COL21A1: variants seen among roughly 807,000 people sequenced by gnomAD.
COL21A1 encodes the protein collagen alpha-1(XXI) chain.
In COL21A1, 149 loss-of-function variants were observed where a neutral mutation model predicts 137.9. The ratio of observed to expected loss-of-function variants is 1.08; its 90% confidence interval spans 0.95 to 1.24. COL21A1 has a LOEUF of 1.24. Ranked by LOEUF, COL21A1 falls within the 50% of genes most tolerant of loss-of-function variation. The probability of loss-of-function intolerance (pLI) is 0.00; values close to 1 mark genes in which losing one functional copy is unlikely to be tolerated. For missense variants in COL21A1, 1,167 were observed against 1,158.4 expected, an observed-to-expected ratio of 1.01 and a Z score of -0.11; for synonymous variants, 456 against 391.5, an observed-to-expected ratio of 1.16 and a Z score of -1.95.
Position 56,056,714 on chromosome 6 carries a change from C to G in COL21A1, c.*943G>C, listed in dbSNP as rs926858032. On this transcript the variant is annotated 3_prime_UTR_variant, in exon 30 of 30. Transcript: ENST00000244728. ...AAGCATTAAGCACAATACACAAAGACTGTTCATAATATTTTACAGTCAGCT... is the reference window on the plus strand; with the variant it reads ...AAGCATTAAGCACAATACACAAAGAGTGTTCATAATATTTTACAGTCAGCT... The G allele has an allele frequency of 1.3e-5, 2 of 152,172 alleles. No individual in the cohort carries two copies. Among genetic ancestry groups the G allele is most frequent in the African/African-American group, 4.8e-5 (2 of 41,446 alleles). The allele number at this position is 152,172 out of a possible 1,614,324, so 9.4% of individuals were successfully genotyped here. A position where few individuals can be genotyped will look rare whatever the true frequency, so the allele number is the denominator to read the frequency against.
intron 1 of COL21A1, among the ~76,000 whole-genome samples, chr6:56,194,828 T>C (rs1028866411): frequency 1.5e-5 from 1 of 65,996 alleles, no homozygotes; most frequent in Non-Finnish European, 2.8e-5. Context: ...AGTTTGAATG[T>C]TTGTCCCCTC....
At chr6:56,316,916 A>G (rs4278021) in intron 1 of COL21A1, among the ~76,000 whole-genome samples, 44,777 of 152,048 alleles carry the variant, frequency 0.29, 6,953 homozygotes, top group Non-Finnish European at 0.35. Flanking sequence ...CAGTCTAGTC[A>G]CTGGGGCATA....
intron 1 of COL21A1, among the ~76,000 whole-genome samples, chr6:56,246,093 A>C (rs557856531): frequency 7.1e-6 from 1 of 141,674 alleles, no homozygotes; most frequent in South Asian, 2.6e-4. Context: ...GAAATCTCAG[A>C]TATCTATAAA....
At position 56,179,987 on chromosome 6, in the gene COL21A1, T is replaced by C; in HGVS notation, c.231A>G (p.Gly77=). The change falls in exon 3 of 30, where the codon GGA becomes GGG. Residue 77 remains glycine (G), a synonymous_variant. Coordinates refer to ENST00000244728, the MANE Select transcript of COL21A1 (RefSeq NM_030820.4). The part of the protein sequence containing the change: ...FDIGPKFIQV[G]VVQYSDYPVL... ...CAGGGTAGTCACTATATTGAACCAC[T>C]CCAACTTGAATAAACTTCGGCCCTA... 1.2e-6 allele frequency: 2 copies of C among 1,613,894 alleles called. No individual in the cohort carries two copies. Among genetic ancestry groups the C allele is most frequent in the Non-Finnish European group, 1.7e-6 (2 of 1,179,858 alleles).
In COL21A1 at chr6:56,168,213, C is replaced by T; in HGVS notation, c.1111G>A (p.Glu371Lys). 1 of 1,568,986 alleles carries T rather than the reference C, an allele frequency of 6.4e-7. No homozygotes were observed. ...AAAACTGGATGTAAGGGCTTGTTTTCAATTTGTTGGTCATCAATATACAAA... is the reference window on the plus strand; with the variant it reads ...AAAACTGGATGTAAGGGCTTGTTTTTAATTTGTTGGTCATCAATATACAAA... ...VTLYIDDQQIENKPLHPVLGI... is the reference protein window; with the variant it reads ...VTLYIDDQQIKNKPLHPVLGI... Residue 371 changes from glutamate to lysine, a missense_variant, in exon 6 of 30, where the codon GAA becomes AAA. Transcript: ENST00000244728.
intron 1 of COL21A1, among the ~76,000 whole-genome samples, chr6:56,233,904 AG>A (rs954210349): frequency 6.6e-6 from 1 of 151,986 alleles, no homozygotes; most frequent in Admixed American, 6.6e-5. Context: ...AAAAACAATG[AG>A]GGGGTAATTG....
intron 1 of COL21A1, among the ~76,000 whole-genome samples, chr6:56,359,531 C>T (rs1315005937): frequency 6.6e-6 from 1 of 152,084 alleles, no homozygotes; most frequent in African/African-American, 2.4e-5. Flanking sequence ...TCCTGTAATT[C>T]GTTATTACAT....
chr6:56,322,297 A>G (rs1251758298), intron 1 of COL21A1, among the ~76,000 whole-genome samples: 1 of 152,184 alleles, frequency 6.6e-6, no homozygotes, highest in Non-Finnish European at 1.5e-5. Flanking sequence ...TCTCACAACC[A>G]GCTCTTCAAA....
At chr6:56,330,846 G>A (rs1765204184) in intron 1 of COL21A1, among the ~76,000 whole-genome samples, 1 of 152,082 alleles carries the variant, frequency 6.6e-6, no homozygotes, top group African/African-American at 2.4e-5. Flanking sequence ...TCAAAGAGTA[G>A]TTATATTTTT....
At chr6:56,239,739 A>G (rs1412894209) in intron 1 of COL21A1, among the ~76,000 whole-genome samples, 2 of 152,130 alleles carry the variant, frequency 1.3e-5, no homozygotes, top group East Asian at 1.9e-4. Context: ...TGAACATTCA[A>G]GTATGTTGCT....
chr6:56,189,942 T>C (rs1052310087), intron 1 of COL21A1, among the ~76,000 whole-genome samples: 12 of 152,146 alleles, frequency 7.9e-5, no homozygotes, highest in Non-Finnish European at 1.3e-4. Flanking sequence ...CACCACCAGG[T>C]CTGCCTTACA....
rs1764217375 is a variant in COL21A1 at position 56,298,853 on chromosome 6, GTTACTACCTGCTA to G, written c.-39+95105_-39+95117del. ...TTCTTATTCAATTTAAGAAATGCAA[GTTACTACCTGCTA>G]TTACAAATACATCATCATCCTCTTA... is the stretch of plus-strand genomic sequence containing the variant. On this transcript the variant is annotated intron_variant, in intron 1 of 28. Transcript: ENST00000370819. 3.9e-5 allele frequency among the ~76,000 whole-genome samples: 6 copies of G among 152,180 alleles called. 1 individual carries two copies. In the South Asian group the frequency reaches 1.2e-3, roughly 32 times the overall value.
intron 22 of COL21A1, 92 bp downstream of exon 22, chr6:56,068,954 A>T (rs1582235796): frequency 3.9e-6 from 3 of 774,744 alleles, no homozygotes; most frequent in Non-Finnish European, 6.5e-6. Flanking sequence ...AAATATATTA[A>T]TAACAAGTCC....
chr6:56,355,396 G>GA (rs1765806804), intron 1 of COL21A1, among the ~76,000 whole-genome samples: 1 of 151,964 alleles, frequency 6.6e-6, no homozygotes, highest in Non-Finnish European at 1.5e-5. Flanking sequence ...GTTTTTCAGT[G>GA]AGGAAATTAC....
In COL21A1 at chr6:56,168,271, T is replaced by C. The variant is rs150740016; in HGVS notation, c.1053A>G (p.Gln351=). The C allele has an allele frequency of 7.9e-3, 12,310 of 1,549,170 alleles. 82 individuals are homozygous for C. Among genetic ancestry groups the C allele is most frequent in the South Asian group, 0.013 (1,007 of 78,150 alleles). The change falls in exon 6 of 30, where the codon CAA becomes CAG. Residue 351 remains glutamine (Q), a synonymous_variant. Coordinates refer to ENST00000244728, the MANE Select transcript of COL21A1 (RefSeq NM_030820.4). ...VKTLFDEGWH[Q]IRLLVTEQDV... is the part of the protein sequence containing the mutation. ...CTTGTTCTGTTACTAAGAGACGAAT[T>C]TGGTGCCAGCCTTCATCAAACAACG...
At chr6:56,185,316 G>A (rs550191786) in intron 1 of COL21A1, among the ~76,000 whole-genome samples, 8 of 149,086 alleles carry the variant, frequency 5.4e-5, no homozygotes, top group African/African-American at 1.7e-4. Flanking sequence ...TTATAACCAA[G>A]AAACAACAGA....
At chr6:56,144,551 A>G (rs1483859233) in intron 10 of COL21A1, among the ~76,000 whole-genome samples, 1 of 152,226 alleles carries the variant, frequency 6.6e-6, no homozygotes, top group Non-Finnish European at 1.5e-5. Context: ...AGTTAAGCCA[A>G]ATGTCATATC....
Position 56,170,953 on chromosome 6 carries a change from T to C in COL21A1, c.809+7A>G, listed in dbSNP as rs1266388877. On this transcript the variant is annotated splice_region_variant and intron_variant, in intron 4 of 29. Coordinates refer to ENST00000244728, the MANE Select transcript of COL21A1 (RefSeq NM_030820.4). ...CCAAAAAAGTTGTGTCAACATATAATGCATACCTTGTGAGTTCTGATAAAT... is the reference window on the plus strand; with the variant it reads ...CCAAAAAAGTTGTGTCAACATATAACGCATACCTTGTGAGTTCTGATAAAT... 2.5e-6 allele frequency: 4 copies of C among 1,599,894 alleles called. No homozygotes were observed. The highest frequency in any genetic ancestry group is 3.4e-6 in the Non-Finnish European group (4 of 1,173,572).
At chr6:56,107,893 T>A (rs1230242794) in intron 16 of COL21A1, among the ~76,000 whole-genome samples, 1 of 151,998 alleles carries the variant, frequency 6.6e-6, no homozygotes, top group East Asian at 1.9e-4. Flanking sequence ...AAGTATTTTA[T>A]AAATATTATA....
Sources: allele counts gnomAD v4.1 joint callset (sites outside exome capture counted in the v4.1 genomes callset), GRCh38; gene constraint gnomAD v4.1.1; transcripts MANE v1.5; gene names NCBI Gene and HGNC (gene_info 2026-07-23, HGNC 2026-07-21).